ARHGAP10: variants seen among roughly 807,000 people sequenced by gnomAD.
The protein encoded by ARHGAP10 is rho GTPase-activating protein 10.
ARHGAP10 carries 87 observed loss-of-function variants against 108.6 expected under a neutral mutation model. The observed-to-expected ratio is 0.80, with a 90% CI of 0.67 to 0.96. The LOEUF (loss-of-function observed/expected upper bound fraction) is 0.96, where lower values mean the gene tolerates loss of function less well. Ranked by LOEUF, ARHGAP10 falls within the 40% of genes least tolerant of loss-of-function variation. The probability of loss-of-function intolerance (pLI) is 0.00; values close to 1 mark genes in which losing one functional copy is unlikely to be tolerated. For missense variants in ARHGAP10, 939 were observed against 954.5 expected, an observed-to-expected ratio of 0.98 and a Z score of 0.21; for synonymous variants, 347 against 341.1, an observed-to-expected ratio of 1.02 and a Z score of -0.19.
At chr4:148,057,004 T>A (rs1239910560) in intron 20 of ARHGAP10, among the ~76,000 whole-genome samples, 1 of 152,302 alleles carries the variant, frequency 6.6e-6, no homozygotes, top group Middle Eastern at 3.4e-3. Context: ...TCACGTTAGC[T>A]GAGGGAGTTT....
At chr4:147,942,278 A>G (rs1424269790) in intron 14 of ARHGAP10, among the ~76,000 whole-genome samples, 1 of 152,224 alleles carries the variant, frequency 6.6e-6, no homozygotes, top group African/African-American at 2.4e-5. Context: ...TTTGAGAAAC[A>G]GTCCCAAGCC....
chr4:147,947,485 C>T (rs1280799788), intron 15 of ARHGAP10, among the ~76,000 whole-genome samples: 3 of 151,790 alleles, frequency 2.0e-5, no homozygotes, highest in African/African-American at 7.3e-5. Context: ...TCACTGCAAC[C>T]TCTGCCTCCC....
At chr4:147,899,511 T>A (rs1278443966) in intron 10 of ARHGAP10, among the ~76,000 whole-genome samples, 1 of 152,232 alleles carries the variant, frequency 6.6e-6, no homozygotes, top group East Asian at 1.9e-4. Flanking sequence ...GTGGGAATGA[T>A]GTTCTCTGAT....
At chr4:147,921,600 GT>G (rs1489696204) in intron 13 of ARHGAP10, among the ~76,000 whole-genome samples, 4 of 152,202 alleles carry the variant, frequency 2.6e-5, no homozygotes, top group Non-Finnish European at 4.4e-5. Context: ...ATCCTAAAAT[GT>G]GAGGTTGAGG....
intron 10 of ARHGAP10, among the ~76,000 whole-genome samples, chr4:147,890,047 A>C (rs2126884458): frequency 6.6e-6 from 1 of 152,236 alleles, no homozygotes; most frequent in South Asian, 2.1e-4. Flanking sequence ...ATCACATAGC[A>C]CTGTCTGTGG....
At chr4:147,958,183 A>G (rs1024973585) in intron 16 of ARHGAP10, among the ~76,000 whole-genome samples, 4 of 152,338 alleles carry the variant, frequency 2.6e-5, no homozygotes, top group Admixed American at 1.3e-4. Flanking sequence ...GTTGTAGGCT[A>G]TGATCTGTGT....
At chr4:147,934,777 A>G (rs1737860150) in intron 13 of ARHGAP10, among the ~76,000 whole-genome samples, 1 of 152,232 alleles carries the variant, frequency 6.6e-6, no homozygotes, top group African/African-American at 2.4e-5. Context: ...AAGGCTGCAG[A>G]GAGCTGTTAT....
intron 1 of ARHGAP10, among the ~76,000 whole-genome samples, chr4:147,767,558 G>A (rs2126714320): frequency 6.6e-6 from 1 of 152,100 alleles, no homozygotes; most frequent in South Asian, 2.1e-4. Context: ...AGATTATCAA[G>A]AATCGTCTTG....
intron 1 of ARHGAP10, among the ~76,000 whole-genome samples, chr4:147,781,344 T>G (rs956941003): frequency 6.6e-6 from 1 of 152,114 alleles, no homozygotes; most frequent in African/African-American, 2.4e-5. Flanking sequence ...AACCGTTTAA[T>G]TTTTGACCAA....
intron 18 of ARHGAP10, among the ~76,000 whole-genome samples, chr4:147,968,216 G>A (rs911882976): frequency 6.6e-5 from 10 of 152,150 alleles, no homozygotes; most frequent in African/African-American, 2.4e-4. Context: ...TCGGAGTGCT[G>A]TTCTCAATAG....
At chr4:147,847,053 T>A in intron 3 of ARHGAP10, 98 bp from the exon 4 acceptor site, 1 of 966,390 alleles carries the variant, frequency 1.0e-6, no homozygotes, top group South Asian at 1.5e-5. Context: ...TACGTTCATT[T>A]TCTTTCTGGG....
At chr4:148,003,713 T>C (rs1740827573) in intron 18 of ARHGAP10, among the ~76,000 whole-genome samples, 1 of 152,230 alleles carries the variant, frequency 6.6e-6, no homozygotes, top group Non-Finnish European at 1.5e-5. Context: ...GTCTGTTTTA[T>C]CAGAGACTAG....
intron 11 of ARHGAP10, among the ~76,000 whole-genome samples, chr4:147,906,950 C>G (rs1002943411): frequency 3.9e-5 from 6 of 152,178 alleles, no homozygotes; most frequent in African/African-American, 1.4e-4. Context: ...ACTTGCCACT[C>G]TGATTTGCTT....
chr4:148,034,484 A>ATTTTTT (rs76525018), intron 19 of ARHGAP10, among the ~76,000 whole-genome samples: 7 of 139,164 alleles, frequency 5.0e-5, no homozygotes, highest in Non-Finnish European at 7.9e-5. Flanking sequence ...CTCCCGGCTA[A>ATTTTTT]TTTTTTTTTT....
At chr4:147,733,574 A>G (rs1346443004) in intron 1 of ARHGAP10, among the ~76,000 whole-genome samples, 3 of 152,160 alleles carry the variant, frequency 2.0e-5, no homozygotes, top group Non-Finnish European at 4.4e-5. Context: ...TTGTTTGTAG[A>G]TACCACCTCT....
At chr4:147,957,280 A>G (rs955086686) in intron 16 of ARHGAP10, among the ~76,000 whole-genome samples, 5 of 152,202 alleles carry the variant, frequency 3.3e-5, no homozygotes, top group South Asian at 2.1e-4. Flanking sequence ...TTAGGGGCCA[A>G]GGTTTCCAAT....
intron 1 of ARHGAP10, among the ~76,000 whole-genome samples, chr4:147,783,657 A>C (rs1222359345): frequency 6.8e-6 from 1 of 146,618 alleles, no homozygotes; most frequent in Non-Finnish European, 1.5e-5. Context: ...TTTATAGAAC[A>C]CATTAAATTG....
At chr4:148,064,354 G>T in intron 21 of ARHGAP10, 62 bp from the exon 22 acceptor site, 2 of 1,497,534 alleles carry the variant, frequency 1.3e-6, no homozygotes, top group Non-Finnish European at 1.8e-6. Flanking sequence ...GGGTTGGGGG[G>T]TGAAGTTTCT....
intron 1 of ARHGAP10, among the ~76,000 whole-genome samples, chr4:147,743,398 G>A (rs982805846): frequency 3.9e-5 from 6 of 151,954 alleles, no homozygotes; most frequent in African/African-American, 1.5e-4. Context: ...AAAATAGATA[G>A]GTCTTTGAAA....
Sources: allele counts gnomAD v4.1 joint callset (sites outside exome capture counted in the v4.1 genomes callset), GRCh38; gene constraint gnomAD v4.1.1; transcripts MANE v1.5; gene names NCBI Gene and HGNC (gene_info 2026-07-23, HGNC 2026-07-21).